Variants in ADGRL3 observed in about 807,000 individuals in gnomAD.
The protein encoded by ADGRL3 is calcium-independent alpha-latrotoxin receptor 3.
ADGRL3 carries 62 observed loss-of-function variants against 153.5 expected under a neutral mutation model. The ratio of observed to expected loss-of-function variants is 0.40; its 90% CI spans 0.33 to 0.50. The LOEUF (loss-of-function observed/expected upper bound fraction) is 0.50. Among genes scored for constraint, ADGRL3 ranks in the 20% least tolerant of loss-of-function variants. ADGRL3 has a pLI of 0.47. For synonymous variants in ADGRL3, 710 were observed against 672.5 expected (o/e 1.06, Z -0.86); for missense variants, 1,641 against 1,859.4 (o/e 0.88, Z 2.16).
At position 61,214,219 on chromosome 4, in the gene ADGRL3, T is replaced by C. The variant is rs537875918; in HGVS notation, c.-240+12454T>C. ...CTGGTTATTAATATTTAAGTAAAGCTATGCCTCATGTCTTTGAATTTAACA... is the reference window on the plus strand; with the variant it reads ...CTGGTTATTAATATTTAAGTAAAGCCATGCCTCATGTCTTTGAATTTAACA... On this transcript the variant is annotated intron_variant, in intron 1 of 26. Coordinates refer to ENST00000683033, the MANE Select transcript of ADGRL3 (RefSeq NM_001387552.1). 8.3e-4 allele frequency among the ~76,000 whole-genome samples: 126 copies of C among 152,208 alleles called. 2 individuals are homozygous for C. Among genetic ancestry groups the C allele is most frequent in the Non-Finnish European group, 1.4e-3 (95 of 68,020 alleles).
intron 9 of ADGRL3, among the ~76,000 whole-genome samples, chr4:61,866,556 G>C (rs1476483859): frequency 6.6e-6 from 1 of 152,096 alleles, no homozygotes; most frequent in Non-Finnish European, 1.5e-5. Context: ...GAAAAGCTCA[G>C]GTGCTATTAG....
chr4:61,867,324 C>A (rs746835152), intron 9 of ADGRL3, among the ~76,000 whole-genome samples: 8 of 150,870 alleles, frequency 5.3e-5, no homozygotes, highest in Non-Finnish European at 1.0e-4. Context: ...CATGGGGAAA[C>A]CCTGTCTCTA....
At chr4:61,819,675 C>T (rs578259820) in intron 9 of ADGRL3, among the ~76,000 whole-genome samples, 17 of 152,112 alleles carry the variant, frequency 1.1e-4, no homozygotes, top group African/African-American at 4.1e-4. Flanking sequence ...TTAACATAGT[C>T]ATAAATATTA....
At chr4:61,546,093 C>G (rs1181799271) in intron 4 of ADGRL3, among the ~76,000 whole-genome samples, 1 of 152,154 alleles carries the variant, frequency 6.6e-6, no homozygotes, top group Non-Finnish European at 1.5e-5. Flanking sequence ...GCTAGTGTCA[C>G]TGCTTCTGCT....
chr4:61,705,857 G>C (rs2095848985), intron 6 of ADGRL3, among the ~76,000 whole-genome samples: 1 of 152,158 alleles, frequency 6.6e-6, no homozygotes, highest in Non-Finnish European at 1.5e-5. Flanking sequence ...CAAAAGAGAG[G>C]TTAAAATACT....
At chr4:61,530,970 A>G (rs932575388) in intron 4 of ADGRL3, among the ~76,000 whole-genome samples, 3 of 152,152 alleles carry the variant, frequency 2.0e-5, no homozygotes, top group African/African-American at 7.2e-5. Flanking sequence ...TCTATTTATC[A>G]TATATTTGCC....
intron 6 of ADGRL3, among the ~76,000 whole-genome samples, chr4:61,703,119 T>C (rs1324964123): frequency 6.6e-6 from 1 of 152,132 alleles, no homozygotes; most frequent in Non-Finnish European, 1.5e-5. Flanking sequence ...ATTTGTGAAG[T>C]AGTCTTATCA....
chr4:61,957,388 T>G (rs2098971230), intron 17 of ADGRL3, among the ~76,000 whole-genome samples: 1 of 152,046 alleles, frequency 6.6e-6, no homozygotes, highest in South Asian at 2.1e-4. Context: ...CTCAATTTAT[T>G]AGAGTTGGCT....
chr4:61,466,185 C>T (rs1176978047), intron 2 of ADGRL3, among the ~76,000 whole-genome samples: 2 of 151,968 alleles, frequency 1.3e-5, no homozygotes, highest in Non-Finnish European at 2.9e-5. Flanking sequence ...AATGTGAAAA[C>T]TTGAGAGTAT....
intron 9 of ADGRL3, among the ~76,000 whole-genome samples, chr4:61,868,401 C>G (rs1212931022): frequency 6.6e-6 from 1 of 152,116 alleles, no homozygotes; most frequent in Non-Finnish European, 1.5e-5. Context: ...ACATCTAACT[C>G]TAGCACCTTT....
intron 11 of ADGRL3, among the ~76,000 whole-genome samples, chr4:61,898,933 G>A (rs2098647798): frequency 6.6e-6 from 1 of 152,034 alleles, no homozygotes; most frequent in South Asian, 2.1e-4. Context: ...ATCTTATTAT[G>A]CAAATAGGCT....
chr4:62,059,130 A>G (rs928984949), intron 25 of ADGRL3, among the ~76,000 whole-genome samples: 1 of 152,080 alleles, frequency 6.6e-6, no homozygotes, highest in South Asian at 2.1e-4. Context: ...GGAAAATTGT[A>G]CTTGTTTGGT....
chr4:62,017,072 T>A (rs1307777755), intron 21 of ADGRL3, among the ~76,000 whole-genome samples: 1 of 152,064 alleles, frequency 6.6e-6, no homozygotes, highest in African/African-American at 2.4e-5. Context: ...ATTAAATAGA[T>A]AGAACAACTT....
intron 2 of ADGRL3, among the ~76,000 whole-genome samples, chr4:61,414,122 A>T (rs1192227144): frequency 2.6e-5 from 4 of 152,206 alleles, no homozygotes; most frequent in Non-Finnish European, 4.4e-5. Flanking sequence ...CAAGTCAGGA[A>T]ATTATCTCAG....
At chr4:61,645,799 G>A (rs936421295) in intron 5 of ADGRL3, among the ~76,000 whole-genome samples, 14 of 152,068 alleles carry the variant, frequency 9.2e-5, no homozygotes, top group South Asian at 2.1e-4. Flanking sequence ...TCTTTGTGGC[G>A]TTCTCTGTAT....
intron 6 of ADGRL3, among the ~76,000 whole-genome samples, chr4:61,721,696 A>G (rs2096246711): frequency 6.6e-6 from 1 of 152,214 alleles, no homozygotes; most frequent in South Asian, 2.1e-4. Flanking sequence ...TTTTACATGC[A>G]CAGTCACTTT....
At chr4:61,518,832 CT>C (rs1284041768) in intron 4 of ADGRL3, among the ~76,000 whole-genome samples, 1 of 152,186 alleles carries the variant, frequency 6.6e-6, no homozygotes, top group Non-Finnish European at 1.5e-5. Flanking sequence ...AGTAAACATT[CT>C]TTAAGAACTT....
intron 1 of ADGRL3, among the ~76,000 whole-genome samples, chr4:61,256,046 C>A (rs2091930669): frequency 6.6e-6 from 1 of 152,272 alleles, no homozygotes; most frequent in Non-Finnish European, 1.5e-5. Flanking sequence ...CACGTCCTTT[C>A]AAAAAATATG....
chr4:61,453,770 C>A (rs2097702764), intron 2 of ADGRL3, among the ~76,000 whole-genome samples: 1 of 152,018 alleles, frequency 6.6e-6, no homozygotes, highest in Non-Finnish European at 1.5e-5. Context: ...TATAATTGTC[C>A]ATTTCTTACA....
Sources: allele counts gnomAD v4.1 joint callset (sites outside exome capture counted in the v4.1 genomes callset), GRCh38; gene constraint gnomAD v4.1.1; transcripts MANE v1.5; gene names NCBI Gene and HGNC (gene_info 2026-07-23, HGNC 2026-07-21).